CPPED1: variants seen among roughly 807,000 people sequenced by gnomAD.
The protein encoded by CPPED1 is calcineurin like phosphoesterase domain containing 1, also known as serine/threonine-protein phosphatase CPPED1.
CPPED1 carries 28 observed loss-of-function variants against 28.0 expected under a neutral mutation model. The observed-to-expected ratio is 1.00, with a 90% confidence interval of 0.74 to 1.37. The LOEUF (loss-of-function observed/expected upper bound fraction) is 1.37, where lower values mean the gene tolerates loss of function less well. CPPED1 is among the 40% of genes most tolerant of loss of function. CPPED1 has a pLI of 0.00. For missense variants in CPPED1, 504 were observed against 416.5 expected, an observed-to-expected ratio of 1.21 and a Z score of -1.83; for synonymous variants, 198 against 180.2, an observed-to-expected ratio of 1.10 and a Z score of -0.79.
chr16:12,784,457 T>C (rs2080550838), intron 1 of CPPED1, among the ~76,000 whole-genome samples: 1 of 152,184 alleles, frequency 6.6e-6, no homozygotes, highest in African/African-American at 2.4e-5. Context: ...TTCAGGGTAA[T>C]TTGTTACACA....
intron 1 of CPPED1, among the ~76,000 whole-genome samples, chr16:12,783,807 C>A (rs903162078): frequency 6.6e-6 from 1 of 152,188 alleles, no homozygotes; most frequent in African/African-American, 2.4e-5. Context: ...CCTCAACTTA[C>A]AGCACAGTGT....
intron 3 of CPPED1, among the ~76,000 whole-genome samples, chr16:12,667,257 AAATT>A (rs1490063817): frequency 6.6e-6 from 1 of 152,206 alleles, no homozygotes; most frequent in Admixed American, 6.5e-5. Flanking sequence ...ACTCCAGATG[AAATT>A]AATTATTTAA....
intron 2 of CPPED1, among the ~76,000 whole-genome samples, chr16:12,734,057 C>CTTTTT (rs1567289981): frequency 9.7e-6 from 1 of 102,978 alleles, no homozygotes. Context: ...TCAAATTACA[C>CTTTTT]GTTTTTTTTT....
chr16:12,681,807 CT>C (rs1441001034), intron 3 of CPPED1, among the ~76,000 whole-genome samples: 1 of 152,144 alleles, frequency 6.6e-6, no homozygotes, highest in African/African-American at 2.4e-5. Context: ...ACGTTTCCCA[CT>C]TCCACCCACC....
At chr16:12,749,392 T>C (rs538747248) in intron 2 of CPPED1, among the ~76,000 whole-genome samples, 10 of 152,346 alleles carry the variant, frequency 6.6e-5, no homozygotes, top group East Asian at 5.8e-4. Flanking sequence ...TGTTCAAGTT[T>C]TGATCATGAG....
intron 2 of CPPED1, among the ~76,000 whole-genome samples, chr16:12,720,074 T>G (rs1272761838): frequency 6.6e-6 from 1 of 152,172 alleles, no homozygotes; most frequent in Non-Finnish European, 1.5e-5. Context: ...TGAACAAAAC[T>G]GGATGACTTC....
rs1323563878 is a variant in CPPED1, at chr16:12,664,942, C to G, written c.889G>C (p.Glu297Gln). ...TCTTCTATTCCTTTCTCACTCAGCT[C>G]ATCTAGACTGTAGTATCGGTGAACA... ...KIVHRYYSLD[E>Q]LSEKGIEDDL... Residue 297 changes from glutamate (E) to glutamine (Q), a missense_variant, in exon 4 of 4, where the codon GAG (glutamate) becomes CAG (glutamine). Transcript: ENST00000381774. This position sits in a 1 kb window ranked among gnomAD's most constrained non-coding sequence, Gnocchi z 4.2. The G allele has an allele frequency of 6.2e-7, 1 of 1,610,378 alleles. No individual in the cohort carries two copies. Among genetic ancestry groups the G allele is most frequent in the Non-Finnish European group, 8.5e-7 (1 of 1,178,784 alleles).
At chr16:12,695,263 T>A (rs1015234169) in intron 3 of CPPED1, among the ~76,000 whole-genome samples, 1 of 152,160 alleles carries the variant, frequency 6.6e-6, no homozygotes, top group Non-Finnish European at 1.5e-5. Flanking sequence ...CATATTTTAT[T>A]TTTATTTACT....
At chr16:12,726,235 T>A in intron 2 of CPPED1, among the ~76,000 whole-genome samples, 1 of 151,364 alleles carries the variant, frequency 6.6e-6, no homozygotes. Context: ...AGAGATGGGG[T>A]ATCACTGTGT....
At chr16:12,766,483 T>C (rs904211197) in intron 2 of CPPED1, among the ~76,000 whole-genome samples, 2 of 151,918 alleles carry the variant, frequency 1.3e-5, no homozygotes, top group Non-Finnish European at 2.9e-5. Context: ...AAACCCCTGA[T>C]AAAACCATCA....
At chr16:12,723,888 G>A (rs900982745) in intron 2 of CPPED1, among the ~76,000 whole-genome samples, 3 of 152,082 alleles carry the variant, frequency 2.0e-5, no homozygotes, top group African/African-American at 4.8e-5. Context: ...ACGGGGAAAA[G>A]CTGCCATCCA....
Position 12,664,840 on chromosome 16 carries a change from TAA to T in CPPED1, c.*44_*45del. The T allele has an allele frequency of 6.2e-7, 1 of 1,605,884 alleles. No homozygotes were observed. Among genetic ancestry groups the T allele is most frequent in the South Asian group, 1.1e-5 (1 of 89,512 alleles). ...TGTGCAGCTGCTGTTTCTGGCAAAA[TAA>T]AAAAATAGTGCAAGTGAAAAGTGAA... On this transcript the variant is annotated 3_prime_UTR_variant, in exon 4 of 4. Transcript: ENST00000381774. The surrounding 1 kb of genome is among the most constrained non-coding windows in gnomAD (Gnocchi z 4.2).
intron 2 of CPPED1, among the ~76,000 whole-genome samples, chr16:12,729,342 G>A (rs936643074): frequency 5.3e-5 from 8 of 151,994 alleles, no homozygotes; most frequent in African/African-American, 1.4e-4. Context: ...AGGTTAAGAC[G>A]TTTTTATTTG....
chr16:12,768,899 C>A (rs2080454398), intron 2 of CPPED1, among the ~76,000 whole-genome samples: 1 of 145,968 alleles, frequency 6.9e-6, no homozygotes, highest in African/African-American at 2.5e-5. Flanking sequence ...GAGTTTCACT[C>A]TTGTTGCCCA....
chr16:12,708,582 A>C (rs1462056001), intron 2 of CPPED1, among the ~76,000 whole-genome samples: 1 of 152,220 alleles, frequency 6.6e-6, no homozygotes. Flanking sequence ...TTCCCCAGGG[A>C]CAGAAATAGT....
chr16:12,709,327 T>A lies in CPPED1; in HGVS notation c.290-4278A>T, dbSNP rs930618370. Among the ~76,000 whole-genome samples, 11 of 151,800 alleles carry A rather than the reference T, an allele frequency of 7.2e-5. No individual in the cohort carries two copies. Among genetic ancestry groups the A allele is most frequent in the Non-Finnish European group, 1.3e-4 (9 of 67,960 alleles). Reference sequence around the variant, plus strand: ...GGGGCAGAGAAGGATTGTTCTGGGGTCTCCAAGGTGGATAAGAGGTATCTG... The same window carrying A: ...GGGGCAGAGAAGGATTGTTCTGGGGACTCCAAGGTGGATAAGAGGTATCTG... On this transcript the variant is annotated intron_variant, in intron 2 of 3. Transcript: ENST00000381774. This position sits in a 1 kb window ranked among gnomAD's most constrained non-coding sequence, Gnocchi z 4.4.
chr16:12,763,495 T>C (rs1246595944), intron 2 of CPPED1, among the ~76,000 whole-genome samples: 1 of 152,212 alleles, frequency 6.6e-6, no homozygotes, highest in African/African-American at 2.4e-5. Context: ...AGAGTCATTA[T>C]TAAAAATAGA....
intron 1 of CPPED1, among the ~76,000 whole-genome samples, chr16:12,789,251 T>C (rs780021729): frequency 1.8e-4 from 28 of 152,208 alleles, no homozygotes; most frequent in Non-Finnish European, 2.9e-4. Context: ...ACCACCTGGC[T>C]GCTGTTGGCA....
chr16:12,744,257 C>A (rs2080271585), intron 2 of CPPED1, among the ~76,000 whole-genome samples: 1 of 125,242 alleles, frequency 8.0e-6, no homozygotes, highest in Admixed American at 9.1e-5. Flanking sequence ...GGCGACAGAG[C>A]AAGACTCTGT....
Sources: allele counts gnomAD v4.1 joint callset (sites outside exome capture counted in the v4.1 genomes callset), GRCh38; gene constraint gnomAD v4.1.1; non-coding constraint Gnocchi (gnomAD v3.1); transcripts MANE v1.5; gene names NCBI Gene and HGNC (gene_info 2026-07-23, HGNC 2026-07-21).